The following SEMA3A variants were observed in gnomAD, a reference collection of about 807,000 sequenced individuals.
The protein encoded by SEMA3A is semaphorin-3A.
Under a neutral mutation model 97.9 loss-of-function variants are expected in SEMA3A, and 29 were observed. The observed-to-expected ratio is 0.30, with a 90% CI of 0.22 to 0.40. The LOEUF (loss-of-function observed/expected upper bound fraction) is 0.40, where lower values mean the gene tolerates loss of function less well. Ranked by LOEUF, SEMA3A falls within the 10% of genes least tolerant of loss-of-function variation. The pLI, the probability that SEMA3A is intolerant of heterozygous loss-of-function variation, is 1.00. For synonymous variants in SEMA3A, 321 were observed against 323.7 expected (o/e 0.99, Z 0.09); for missense variants, 763 against 951.3 (o/e 0.80, Z 2.60).
chr7:84,407,126 T>C (rs566471339), intron 1 of SEMA3A, among the ~76,000 whole-genome samples: 3 of 152,172 alleles, frequency 2.0e-5, no homozygotes, highest in South Asian at 2.1e-4. Flanking sequence ...TGTTTGCAGA[T>C]GACATGATTG....
chr7:84,113,908 G>T (rs1795347858), intron 3 of SEMA3A, among the ~76,000 whole-genome samples: 1 of 151,808 alleles, frequency 6.6e-6, no homozygotes, highest in African/African-American at 2.4e-5. Context: ...TTTTTTTAAG[G>T]GCCTCTTGTC....
intron 1 of SEMA3A, among the ~76,000 whole-genome samples, chr7:84,189,853 T>C (rs1475345292): frequency 6.6e-6 from 1 of 151,726 alleles, no homozygotes; most frequent in Non-Finnish European, 1.5e-5. Flanking sequence ...ATGATTTATA[T>C]AATAATTAAA....
chr7:84,053,010 T>G (rs1174758476), intron 5 of SEMA3A, among the ~76,000 whole-genome samples: 1 of 150,276 alleles, frequency 6.7e-6, no homozygotes. Flanking sequence ...AGTTTCCATG[T>G]AGTTGAGCGG....
At chr7:84,177,704 G>A (rs1280741969) in intron 1 of SEMA3A, among the ~76,000 whole-genome samples, 2 of 152,070 alleles carry the variant, frequency 1.3e-5, no homozygotes, top group African/African-American at 4.8e-5. Context: ...AATGAGAGAT[G>A]TAAGAAGAAA....
intron 7 of SEMA3A, among the ~76,000 whole-genome samples, chr7:84,012,285 G>A (rs1188788380): frequency 6.6e-6 from 1 of 151,662 alleles, no homozygotes; most frequent in African/African-American, 2.4e-5. Context: ...GCAGGATCTA[G>A]CCATTTCACA....
intron 15 of SEMA3A, among the ~76,000 whole-genome samples, chr7:83,976,885 G>A (rs1177386790): frequency 1.3e-5 from 2 of 151,996 alleles, no homozygotes; most frequent in Non-Finnish European, 2.9e-5. Flanking sequence ...AGAAAGTTGA[G>A]CTTTAAACCT....
chr7:84,462,181 G>A (rs928215164), intron 1 of SEMA3A, among the ~76,000 whole-genome samples: 1 of 151,694 alleles, frequency 6.6e-6, no homozygotes, highest in African/African-American at 2.4e-5. Flanking sequence ...GTTATTTATT[G>A]GATGATTTTT....
intron 1 of SEMA3A, among the ~76,000 whole-genome samples, chr7:84,181,413 G>T (rs1797734837): frequency 6.6e-6 from 1 of 151,238 alleles, no homozygotes; most frequent in East Asian, 1.9e-4. Flanking sequence ...AAAAGAAGGG[G>T]ATTTTTTTAA....
At chr7:84,004,309 T>A (rs1333306126) in intron 11 of SEMA3A, among the ~76,000 whole-genome samples, 5 of 152,146 alleles carry the variant, frequency 3.3e-5, no homozygotes, top group Non-Finnish European at 7.4e-5. Flanking sequence ...GAATTCATTC[T>A]GAAAATATAC....
At chr7:84,451,628 C>T (rs1327461322) in intron 1 of SEMA3A, among the ~76,000 whole-genome samples, 1 of 152,128 alleles carries the variant, frequency 6.6e-6, no homozygotes, top group Non-Finnish European at 1.5e-5. Context: ...AAAGCCTCTA[C>T]AAACTTTGAA....
intron 3 of SEMA3A, among the ~76,000 whole-genome samples, chr7:84,304,731 T>A (rs961659279): frequency 1.3e-5 from 2 of 152,040 alleles, no homozygotes; most frequent in African/African-American, 2.4e-5. Flanking sequence ...TCACAAGCGA[T>A]CATATCCCTA....
intron 2 of SEMA3A, among the ~76,000 whole-genome samples, chr7:84,371,347 C>T (rs999985605): frequency 6.6e-6 from 1 of 151,624 alleles, no homozygotes; most frequent in African/African-American, 2.4e-5. Context: ...AAAATTGGAA[C>T]AGTAATCATA....
intron 12 of SEMA3A, among the ~76,000 whole-genome samples, chr7:83,986,972 A>T (rs1352820275): frequency 2.0e-5 from 2 of 100,722 alleles, no homozygotes; most frequent in Non-Finnish European, 4.7e-5. Context: ...TCTCTCTTTC[A>T]CACACACACA....
intron 1 of SEMA3A, among the ~76,000 whole-genome samples, chr7:84,191,124 C>G (rs1348155083): frequency 6.7e-6 from 1 of 149,548 alleles, no homozygotes. Flanking sequence ...AATTTTACCT[C>G]AGAAATTTTA....
chr7:83,971,345 T>C (rs1457900466), intron 15 of SEMA3A, among the ~76,000 whole-genome samples: 1 of 151,876 alleles, frequency 6.6e-6, no homozygotes, highest in East Asian at 1.9e-4. Flanking sequence ...GGCAGAAGAA[T>C]TGCCTGAACC....
At chr7:84,122,266 G>A (rs1795644436) in intron 3 of SEMA3A, among the ~76,000 whole-genome samples, 2 of 152,014 alleles carry the variant, frequency 1.3e-5, no homozygotes, top group Admixed American at 6.6e-5. Context: ...AGTGGGCGAA[G>A]GATATGAACA....
chr7:84,382,702 CAAA>C lies in SEMA3A; in HGVS notation c.-245-10805_-245-10803del, dbSNP rs377120252. On this transcript the variant is annotated intron_variant, in intron 1 of 3. Coordinates refer to the SEMA3A transcript ENST00000424555. ...TGAAACCCTGTCTCTACTAAAAATC[CAAA>C]AAAAAAAAAAAAAAAAAAAAAAAAT... Among the ~76,000 whole-genome samples the C allele has an allele frequency of 0.025, 2,028 of 81,968 alleles. 132 individuals are homozygous for C. The East Asian group carries it at 0.29, about 12-fold the overall frequency. 53.8% of individuals were successfully genotyped at this position (81,968 alleles called of 152,430 possible). A position where few individuals can be genotyped will look rare whatever the true frequency, so the allele number is the denominator to read the frequency against.
At chr7:84,039,579 G>C (rs1027617136) in intron 6 of SEMA3A, among the ~76,000 whole-genome samples, 1 of 152,158 alleles carries the variant, frequency 6.6e-6, no homozygotes, top group East Asian at 1.9e-4. Flanking sequence ...TATTGGAGAG[G>C]TCACTTAGGA....
chr7:84,428,327 G>T (rs193235068), intron 1 of SEMA3A, among the ~76,000 whole-genome samples: 1 of 151,884 alleles, frequency 6.6e-6, no homozygotes. Context: ...AAAGTATGAC[G>T]TAAATATAAT....
Sources: allele counts gnomAD v4.1 joint callset (sites outside exome capture counted in the v4.1 genomes callset), GRCh38; gene constraint gnomAD v4.1.1; transcripts MANE v1.5; gene names NCBI Gene and HGNC (gene_info 2026-07-23, HGNC 2026-07-21).